Variants in CADM2 observed in about 807,000 individuals in gnomAD.
CADM2 encodes the protein immunoglobulin superfamily member 4D.
CADM2 carries 12 observed loss-of-function variants against 49.8 expected under a neutral mutation model. That is an observed-to-expected ratio of 0.24 (90% CI 0.15 to 0.39). CADM2 has a LOEUF of 0.39. Ranked by LOEUF, CADM2 falls within the 10% of genes least tolerant of loss-of-function variation. The pLI is 1.00. For missense variants in CADM2, 378 were observed against 492.3 expected, an observed-to-expected ratio of 0.77 and a Z score of 2.20; for synonymous variants, 214 against 175.4, an observed-to-expected ratio of 1.22 and a Z score of -1.74.
At chr3:85,951,952 G>A (rs941528783) in intron 7 of CADM2, among the ~76,000 whole-genome samples, 2 of 150,994 alleles carry the variant, frequency 1.3e-5, no homozygotes, top group Non-Finnish European at 1.5e-5. Context: ...GCTAAGGAGG[G>A]AAGTGAACGG....
chr3:85,911,696 C>T (rs1717613612), intron 5 of CADM2, among the ~76,000 whole-genome samples: 1 of 152,098 alleles, frequency 6.6e-6, no homozygotes, highest in African/African-American at 2.4e-5. Flanking sequence ...TTTGCCCTTC[C>T]TAACTGTGCT....
intron 1 of CADM2, among the ~76,000 whole-genome samples, chr3:84,976,989 A>C (rs1213668964): frequency 1.3e-5 from 2 of 152,006 alleles, no homozygotes; most frequent in Non-Finnish European, 2.9e-5. Flanking sequence ...ATGAGCAAAG[A>C]CAACAGTAAG....
intron 4 of CADM2, 93 bp from the exon 5 acceptor site, chr3:85,886,097 C>T: frequency 1.3e-6 from 2 of 1,525,840 alleles, no homozygotes; most frequent in South Asian, 1.3e-5. Flanking sequence ...GTCAATTAAC[C>T]ATCCAGTTCA....
chr3:85,516,867 ATAAAT>A (rs1386124013), intron 1 of CADM2, among the ~76,000 whole-genome samples: 32 of 152,116 alleles, frequency 2.1e-4, no homozygotes, highest in Admixed American at 1.8e-3. Context: ...AGGTACATTA[ATAAAT>A]TAAATTTATT....
At chr3:85,632,433 A>G (rs1373892966) in intron 1 of CADM2, among the ~76,000 whole-genome samples, 1 of 152,134 alleles carries the variant, frequency 6.6e-6, no homozygotes, top group Non-Finnish European at 1.5e-5. Flanking sequence ...AAAATAAGCA[A>G]TAATATCAGA....
intron 1 of CADM2, among the ~76,000 whole-genome samples, chr3:85,448,987 T>G (rs1352685092): frequency 6.6e-6 from 1 of 150,434 alleles, no homozygotes; most frequent in Non-Finnish European, 1.5e-5. Context: ...GAGGCGGAAG[T>G]TGCAGTGAGC....
chr3:85,729,370 G>C (rs2107790922), intron 2 of CADM2, among the ~76,000 whole-genome samples: 1 of 152,160 alleles, frequency 6.6e-6, no homozygotes, highest in South Asian at 2.1e-4. Flanking sequence ...TAAAGAATGG[G>C]GCCATTTTCT....
intron 1 of CADM2, among the ~76,000 whole-genome samples, chr3:85,653,649 G>C (rs1328496636): frequency 6.6e-6 from 1 of 152,010 alleles, no homozygotes; most frequent in Non-Finnish European, 1.5e-5. Context: ...TATAAGTCGG[G>C]AGTTCAGGGA....
intron 1 of CADM2, among the ~76,000 whole-genome samples, chr3:85,096,179 T>G (rs573867100): frequency 5.3e-5 from 8 of 152,122 alleles, no homozygotes; most frequent in Non-Finnish European, 8.8e-5. Context: ...CAAAGTTAAT[T>G]TATCTATATT....
intron 1 of CADM2, among the ~76,000 whole-genome samples, chr3:85,699,672 T>C (rs1413527288): frequency 1.3e-5 from 2 of 152,150 alleles, no homozygotes; most frequent in African/African-American, 4.8e-5. Context: ...CACAGAGCAG[T>C]AGAGTCCTGG....
intron 1 of CADM2, among the ~76,000 whole-genome samples, chr3:85,172,949 A>G (rs901047670): frequency 2.0e-5 from 3 of 147,044 alleles, no homozygotes; most frequent in Admixed American, 6.9e-5. Context: ...ATAATATAAT[A>G]CATAAACATA....
chr3:85,806,126 G>A (rs989007178), intron 3 of CADM2, among the ~76,000 whole-genome samples: 2 of 139,176 alleles, frequency 1.4e-5, no homozygotes, highest in East Asian at 5.1e-4. Flanking sequence ...TTGGATTTCT[G>A]TATTGATAAA....
intron 1 of CADM2, among the ~76,000 whole-genome samples, chr3:85,361,483 C>G (rs1050096427): frequency 6.6e-6 from 1 of 152,074 alleles, no homozygotes; most frequent in African/African-American, 2.4e-5. Context: ...TTATCTGATC[C>G]ATAATTGGCA....
chr3:85,377,138 C>A (rs1216362301), intron 1 of CADM2, among the ~76,000 whole-genome samples: 2 of 151,938 alleles, frequency 1.3e-5, no homozygotes, highest in Non-Finnish European at 2.9e-5. Flanking sequence ...GAATGCATTG[C>A]CTATTTAGCA....
At chr3:85,969,982 TATATACACTC>T (rs75332950) in intron 8 of CADM2, among the ~76,000 whole-genome samples, 99,801 of 145,694 alleles carry the variant, frequency 0.69, 35,766 homozygotes, top group African/African-American at 0.91. Flanking sequence ...TGTATATATA[TATATACACTC>T]ATACACTCAC....
chr3:85,755,319 A>T (rs552089660), intron 2 of CADM2, among the ~76,000 whole-genome samples: 1 of 152,286 alleles, frequency 6.6e-6, no homozygotes, highest in Non-Finnish European at 1.5e-5. Context: ...TTTTTATTAT[A>T]AAGAATACAA....
rs576892914 is a variant in CADM2, at chr3:85,707,333, T to C, written c.62-19189T>C. On this transcript the variant is annotated intron_variant, in intron 1 of 9. Coordinates refer to ENST00000383699, the MANE Select transcript of CADM2 (RefSeq NM_001167675.2). ...GCTTTCATAAATTCCTTTTTGTAGA[T>C]TACCACTATTTTCTAGGACTTCCCA... Among the ~76,000 whole-genome samples the C allele has an allele frequency of 6.1e-4, 93 of 151,674 alleles. 2 individuals are homozygous for C. Among genetic ancestry groups the C allele is most frequent in the Non-Finnish European group, 3.7e-4 (25 of 67,916 alleles).
chr3:85,898,955 A>ATATACATATTTTTTT (rs1475991339), intron 5 of CADM2, among the ~76,000 whole-genome samples: 1 of 33,908 alleles, frequency 2.9e-5, no homozygotes, highest in African/African-American at 1.5e-4. Flanking sequence ...ATATATATAT[A>ATATACATATTTTTTT]TTTTTTTTTT....
At position 85,326,270 on chromosome 3, in the gene CADM2, TATA is replaced by T. The variant is rs1205034080; in HGVS notation, c.61+366605_61+366607del. 2.6e-5 allele frequency among the ~76,000 whole-genome samples: 4 copies of T among 152,182 alleles called. No homozygotes were observed. In the East Asian group the frequency reaches 7.7e-4, roughly 29 times the overall value. The stretch of plus-strand genomic sequence containing the variant: ...AGCCTGTATTGTTTTTCTAGTGAAA[TATA>T]ATGATTTCAGGAATTGAAAAAAAAA... On this transcript the variant is annotated intron_variant, in intron 1 of 9. Coordinates refer to ENST00000383699, the MANE Select transcript of CADM2 (RefSeq NM_001167675.2).
Sources: gnomAD v4.1 joint callset for allele counts (sites outside exome capture counted in the v4.1 genomes callset) on GRCh38, gnomAD v4.1.1 for gene constraint, MANE v1.5 for transcripts, NCBI Gene and HGNC (gene_info 2026-07-23, HGNC 2026-07-21) for gene names.